LAMA2: variants seen among roughly 807,000 people sequenced by gnomAD.
LAMA2 encodes the protein laminin subunit alpha 2.
A neutral mutation model predicts 364.8 loss-of-function variants in LAMA2; 269 were observed. The ratio of observed to expected loss-of-function variants is 0.74; its 90% CI spans 0.67 to 0.82. The LOEUF (loss-of-function observed/expected upper bound fraction) is 0.82, where lower values mean the gene tolerates loss of function less well. Ranked by LOEUF, LAMA2 falls within the 40% of genes least tolerant of loss-of-function variation. The probability of loss-of-function intolerance (pLI) is 0.00; values close to 1 mark genes in which losing one functional copy is unlikely to be tolerated. For missense variants in LAMA2, 3,807 were observed against 3,873.2 expected (o/e 0.98, Z 0.45); for synonymous variants, 1,379 against 1,370.6 (o/e 1.01, Z -0.14).
rs777848945 is a variant in LAMA2, at chr6:129,297,883, A to G, written c.3037+18A>G. The G allele has an allele frequency of 6.2e-7, 1 of 1,606,090 alleles. No homozygotes were observed. The highest frequency in any genetic ancestry group is 1.1e-5 in the South Asian group (1 of 90,320). ...CTGCACAGGTCTGTAAATATGACTTAAGTCCTACATATTCACTCTGATAGT... is the reference window on the plus strand; with the variant it reads ...CTGCACAGGTCTGTAAATATGACTTGAGTCCTACATATTCACTCTGATAGT... On this transcript the variant is annotated intron_variant, in intron 21 of 64. Coordinates refer to ENST00000421865, the MANE Select transcript of LAMA2 (RefSeq NM_000426.4).
chr6:129,412,891 G>C (rs1780606453), intron 40 of LAMA2, among the ~76,000 whole-genome samples: 1 of 152,146 alleles, frequency 6.6e-6, no homozygotes, highest in Non-Finnish European at 1.5e-5. Flanking sequence ...CAAGCTAACT[G>C]TAAGGGAGGT....
chr6:129,106,373 G>A (rs1775825162), intron 4 of LAMA2, among the ~76,000 whole-genome samples: 1 of 152,044 alleles, frequency 6.6e-6, no homozygotes, highest in South Asian at 2.1e-4. Flanking sequence ...CATTGTTAAG[G>A]TTATAACATG....
intron 4 of LAMA2, among the ~76,000 whole-genome samples, chr6:129,142,333 G>A (rs552010535): frequency 2.9e-4 from 44 of 152,076 alleles, no homozygotes; most frequent in Non-Finnish European, 1.0e-4. Context: ...GGTGAGGACT[G>A]TTTCGGGGCT....
intron 3 of LAMA2, among the ~76,000 whole-genome samples, chr6:129,073,740 A>G (rs1002515739): frequency 3.3e-5 from 5 of 152,186 alleles, no homozygotes; most frequent in African/African-American, 9.7e-5. Context: ...TAAAAAAATT[A>G]GACTCCAAAT....
chr6:129,062,911 G>GTT, intron 3 of LAMA2, among the ~76,000 whole-genome samples: 1 of 110,006 alleles, frequency 9.1e-6, no homozygotes, highest in Non-Finnish European at 1.8e-5. Flanking sequence ...GATTACAGTG[G>GTT]GTTTTTTTTT....
chr6:129,431,624 ATAAACTTCATAAC>A (rs11273557), intron 41 of LAMA2, among the ~76,000 whole-genome samples: 5,563 of 152,242 alleles, frequency 0.037, 287 homozygotes, highest in African/African-American at 0.12. Context: ...TAGACTCTTC[ATAAACTTCATAAC>A]TAAACTTCAT....
intron 12 of LAMA2, among the ~76,000 whole-genome samples, chr6:129,237,889 T>C (rs1785102730): frequency 6.6e-6 from 1 of 151,710 alleles, no homozygotes; most frequent in Non-Finnish European, 1.5e-5. Flanking sequence ...CTGGGTGTGG[T>C]GGCTCACGCC....
chr6:129,374,475 A>G (rs1234020641), intron 34 of LAMA2, among the ~76,000 whole-genome samples: 1 of 152,226 alleles, frequency 6.6e-6, no homozygotes, highest in Non-Finnish European at 1.5e-5. Flanking sequence ...GGGATATTCA[A>G]GAACTCCCCA....
At chr6:129,342,096 T>C (rs184671559) in intron 29 of LAMA2, among the ~76,000 whole-genome samples, 51 of 152,324 alleles carry the variant, frequency 3.3e-4, no homozygotes, top group Admixed American at 3.3e-3. Context: ...GAAAAGAGAA[T>C]AGCAACTCTT....
At chr6:129,369,607 AATAATGCTTACCCCCC>A (rs1487032227) in intron 33 of LAMA2, among the ~76,000 whole-genome samples, 2 of 152,176 alleles carry the variant, frequency 1.3e-5, no homozygotes, top group Non-Finnish European at 2.9e-5. Context: ...CATGAAATGG[AATAATGCTTACCCCCC>A]ATAGAGCTGT....
chr6:128,927,478 T>C (rs1226335549), intron 1 of LAMA2, among the ~76,000 whole-genome samples: 1 of 152,216 alleles, frequency 6.6e-6, no homozygotes, highest in East Asian at 1.9e-4. Context: ...AAGCTCCGTC[T>C]CTAACTTTCT....
chr6:129,058,091 C>T (rs1788611109), intron 2 of LAMA2, among the ~76,000 whole-genome samples: 2 of 152,186 alleles, frequency 1.3e-5, no homozygotes, highest in African/African-American at 2.4e-5. Context: ...TTTAAGTGCC[C>T]TTACTGCAGC....
intron 60 of LAMA2, among the ~76,000 whole-genome samples, chr6:129,504,890 G>C (rs909105739): frequency 6.6e-6 from 1 of 152,106 alleles, no homozygotes; most frequent in Non-Finnish European, 1.5e-5. Flanking sequence ...TAGTCTGCAG[G>C]GTTCCTTACA....
intron 4 of LAMA2, among the ~76,000 whole-genome samples, chr6:129,123,766 A>G (rs1776948292): frequency 6.6e-6 from 1 of 152,214 alleles, no homozygotes; most frequent in Admixed American, 6.5e-5. Flanking sequence ...GTGAAAGGAT[A>G]AAAAGTTTTA....
chr6:129,298,219 C>T (rs985612087), intron 21 of LAMA2, among the ~76,000 whole-genome samples: 3 of 152,192 alleles, frequency 2.0e-5, no homozygotes, highest in Admixed American at 2.0e-4. Context: ...AAACCCCACG[C>T]CAATGCATTT....
chr6:128,966,650 A>T (rs554182233), intron 1 of LAMA2, among the ~76,000 whole-genome samples: 1 of 152,208 alleles, frequency 6.6e-6, no homozygotes, highest in South Asian at 2.1e-4. Context: ...TTGAGAAATG[A>T]TTCAATTGTT....
chr6:129,299,428 T>A (rs1773410093), intron 21 of LAMA2, among the ~76,000 whole-genome samples: 4 of 152,172 alleles, frequency 2.6e-5, no homozygotes, highest in Non-Finnish European at 5.9e-5. Context: ...ATTATTATTA[T>A]TATCTTTATT....
intron 22 of LAMA2, among the ~76,000 whole-genome samples, chr6:129,301,816 T>A (rs1773568523): frequency 6.6e-6 from 1 of 152,148 alleles, no homozygotes. Flanking sequence ...ACCCCCCATG[T>A]GCCTACTGTT....
At chr6:129,158,408 C>A (rs1050864485) in intron 8 of LAMA2, 2 of 1,613,804 alleles carry the variant, frequency 1.2e-6, no homozygotes, top group African/African-American at 2.7e-5. Flanking sequence ...TACCAACTTG[C>A]CGGACCATCT....
Sources: gnomAD v4.1 joint callset for allele counts (sites outside exome capture counted in the v4.1 genomes callset) on GRCh38, gnomAD v4.1.1 for gene constraint, MANE v1.5 for transcripts, NCBI Gene and HGNC (gene_info 2026-07-23, HGNC 2026-07-21) for gene names.